COL4A5: variants seen among roughly 807,000 people sequenced by gnomAD.
The protein encoded by COL4A5 is collagen type IV alpha 5 chain.
COL4A5 carries 26 observed loss-of-function variants against 130.2 expected under a neutral mutation model. The observed-to-expected ratio is 0.20, with a 90% CI of 0.15 to 0.28. The LOEUF is 0.28. Ranked by LOEUF, COL4A5 falls within the 10% of genes least tolerant of loss-of-function variation. The pLI is 1.00. For synonymous variants in COL4A5, 496 were observed against 439.6 expected (o/e 1.13, Z -1.60); for missense variants, 1,131 against 1,344.3 (o/e 0.84, Z 2.48).
rs2068410300 is a variant in COL4A5 at position 108,680,734 on chromosome X, G to C, written c.3998G>C (p.Gly1333Ala). ...ATGAAAGGAGATCCTGGTCTCCCTG[G>C]TGTTCCAGGATTCCCAGGTATTTGA... Reference protein sequence around the residue: ...NGMKGDPGLPGVPGFPGMKGP... With the variant: ...NGMKGDPGLPAVPGFPGMKGP... Residue 1333 changes from glycine to alanine, a missense_variant, in exon 45 of 53, where the codon GGT (glycine) becomes GCT (alanine). Transcript: ENST00000328300. 8.3e-7 allele frequency: 1 copy of C among 1,208,303 alleles called. No individual in the cohort carries two copies. Among genetic ancestry groups the C allele is most frequent in the Admixed American group, 2.2e-5 (1 of 45,581 alleles).
intron 1 of COL4A5, among the ~76,000 whole-genome samples, chrX:108,538,930 G>A (rs980224969): frequency 4.5e-5 from 5 of 112,013 alleles, no homozygotes; most frequent in African/African-American, 1.6e-4. Flanking sequence ...TTGAATGCCT[G>A]TTTAGAACAT....
At chrX:108,598,017 C>G (rs1232939264) in intron 24 of COL4A5, among the ~76,000 whole-genome samples, 1 of 109,822 alleles carries the variant, frequency 9.1e-6, no homozygotes, top group Non-Finnish European at 1.9e-5. Flanking sequence ...ATGGTGAAAC[C>G]CTGTCTCTAC....
At chrX:108,443,960 A>G (rs1352696094) in intron 1 of COL4A5, among the ~76,000 whole-genome samples, 1 of 112,260 alleles carries the variant, frequency 8.9e-6, no homozygotes, top group Non-Finnish European at 1.9e-5. Context: ...ATTGAATTAT[A>G]CTGTAATAAA....
intron 31 of COL4A5, among the ~76,000 whole-genome samples, chrX:108,621,514 T>C (rs766829777): frequency 9.1e-6 from 1 of 109,987 alleles, no homozygotes; most frequent in East Asian, 2.9e-4. Context: ...TGTCATTTAG[T>C]CAAGTGTGAG....
intron 1 of COL4A5, among the ~76,000 whole-genome samples, chrX:108,490,477 A>G (rs2064984029): frequency 8.9e-6 from 1 of 111,775 alleles, no homozygotes; most frequent in Non-Finnish European, 1.9e-5. Context: ...AAATCATTGC[A>G]GCCACTAATC....
chrX:108,660,520 T>C (rs1481184828), intron 37 of COL4A5, among the ~76,000 whole-genome samples: 1 of 112,217 alleles, frequency 8.9e-6, no homozygotes, highest in Non-Finnish European at 1.9e-5. Context: ...AAATCCCTTT[T>C]TGATATTTGT....
intron 47 of COL4A5, 133 bp from the exon 48 acceptor site, chrX:108,685,898 A>T (rs966386438): frequency 2.1e-5 from 11 of 522,909 alleles, no homozygotes; most frequent in African/African-American, 1.6e-4. Context: ...GACTTGAGTT[A>T]TCTCTTCTTT....
rs1251117109 is a variant in COL4A5 at position 108,618,504 on chromosome X, A to G, written c.2510-1755A>G. On this transcript the variant is annotated intron_variant, in intron 30 of 52. Transcript: ENST00000328300. The stretch of plus-strand genomic sequence containing the variant: ...TCAGAGATAAACAATTGAAAAGCTG[A>G]CCTTTACCAAAAGGTAATACTTTTG... Among the ~76,000 whole-genome samples the G allele has an allele frequency of 4.5e-5, 5 of 111,850 alleles. No homozygotes were observed. The East Asian group carries it at 1.4e-3, about 31-fold the overall frequency.
At chrX:108,650,798 G>A (rs2067710668) in intron 36 of COL4A5, among the ~76,000 whole-genome samples, 1 of 110,128 alleles carries the variant, frequency 9.1e-6, no homozygotes, top group Non-Finnish European at 1.9e-5. Context: ...AGTGGGGCAA[G>A]GGATAAAAGA....
intron 1 of COL4A5, among the ~76,000 whole-genome samples, chrX:108,468,495 G>GT (rs1040853863): frequency 1.9e-5 from 2 of 106,471 alleles, no homozygotes; most frequent in Admixed American, 1.0e-4. Flanking sequence ...TGGGTTTTTC[G>GT]TAAGTGTTTT....
chrX:108,686,084 G>A lies in COL4A5; in HGVS notation c.4270G>A (p.Gly1424Ser), dbSNP rs369102115. Residue 1424 changes from glycine to serine, a missense_variant, in exon 48 of 53, where the codon GGT becomes AGT. Gly to Ser is a moderately conservative substitution (Grantham distance 56). Transcript: ENST00000328300. ...ACGCAATGGACTCCCTGGCTTTGAT[G>A]GTGCAGGAGGGCGCAAAGGAGACCC... ...PGRNGLPGFD[G>S]AGGRKGDPGL... 1 of 1,210,987 alleles carries A rather than the reference G, an allele frequency of 8.3e-7. No individual in the cohort carries two copies. The highest frequency in any genetic ancestry group is 1.7e-5 in the African/African-American group (1 of 57,692).
intron 50 of COL4A5, among the ~76,000 whole-genome samples, chrX:108,693,298 ATG>A (rs2068666513): frequency 9.0e-6 from 1 of 111,671 alleles, no homozygotes; most frequent in African/African-American, 3.3e-5. Flanking sequence ...TGGAAAAAAT[ATG>A]TCTTGAACTG....
In COL4A5 at chrX:108,568,689, C is replaced by T; in HGVS notation, c.321+16C>T. On this transcript the variant is annotated intron_variant, in intron 5 of 52. Coordinates refer to ENST00000328300, the MANE Select transcript of COL4A5 (RefSeq NM_033380.3). ...AGGTCTTCCTGTAAGTAGCATTTCA[C>T]TTTTTACTTTGAAATCTCTTGAAAA... 1.7e-6 allele frequency: 2 copies of T among 1,200,868 alleles called. No homozygotes were observed. Among genetic ancestry groups the T allele is most frequent in the Non-Finnish European group, 2.3e-6 (2 of 885,841 alleles).
chrX:108,643,138 A>C (rs2067505660), intron 36 of COL4A5, among the ~76,000 whole-genome samples: 1 of 112,134 alleles, frequency 8.9e-6, no homozygotes, highest in African/African-American at 3.2e-5. Context: ...CAGCAATAGA[A>C]TTGAACAAGT....
intron 36 of COL4A5, among the ~76,000 whole-genome samples, chrX:108,630,534 C>G (rs953949075): frequency 8.9e-6 from 1 of 111,810 alleles, no homozygotes; most frequent in Non-Finnish European, 1.9e-5. Flanking sequence ...TGTTTAAGTT[C>G]TTTGTAGATT....
rs763699243 is a variant in COL4A5, at chrX:108,680,872, A to G, written c.4016-13A>G. ...GTTGCTTTGCCATAAAACTGTATGT[A>G]CCTTCTGTGCAGGCATGAAAGGACC... On this transcript the variant is annotated splice_polypyrimidine_tract_variant and intron_variant, in intron 45 of 52. Coordinates refer to ENST00000328300, the MANE Select transcript of COL4A5 (RefSeq NM_033380.3). The G allele has an allele frequency of 5.0e-6, 6 of 1,209,170 alleles. No homozygotes were observed. In the Admixed American group the frequency reaches 1.3e-4, roughly 26 times the overall value.
intron 1 of COL4A5, among the ~76,000 whole-genome samples, chrX:108,466,081 C>A (rs985793458): frequency 9.0e-6 from 1 of 111,342 alleles, no homozygotes; most frequent in African/African-American, 3.3e-5. Flanking sequence ...TGTACATCAT[C>A]CCTTTTTATG....
Position 108,620,250 on chromosome X carries a change from A to G in COL4A5, c.2510-9A>G, listed in dbSNP as rs766336479. On this transcript the variant is annotated splice_polypyrimidine_tract_variant and intron_variant, in intron 30 of 52. Coordinates refer to ENST00000328300, the MANE Select transcript of COL4A5 (RefSeq NM_033380.3). ...CAGTACTTATTAATATTGATATTGT[A>G]TTAACTAGGTTTACATGGAATACCA... 1 of 1,190,137 alleles carries G rather than the reference A, an allele frequency of 8.4e-7. No individual in the cohort carries two copies. Among genetic ancestry groups the G allele is most frequent in the East Asian group, 3.0e-5 (1 of 33,638 alleles).
intron 1 of COL4A5, among the ~76,000 whole-genome samples, chrX:108,503,265 C>T (rs2065097448): frequency 9.0e-6 from 1 of 111,269 alleles, no homozygotes; most frequent in Non-Finnish European, 1.9e-5. Flanking sequence ...TTAGTTAACT[C>T]AGTTTGAAAA....
Sources: gnomAD v4.1 joint callset for allele counts (sites outside exome capture counted in the v4.1 genomes callset) on GRCh38, gnomAD v4.1.1 for gene constraint, MANE v1.5 for transcripts, NCBI Gene and HGNC (gene_info 2026-07-23, HGNC 2026-07-21) for gene names.